RALGAPA1: variants seen among roughly 807,000 people sequenced by gnomAD.
The protein encoded by RALGAPA1 is ral GTPase-activating protein subunit alpha-1.
RALGAPA1 carries 52 observed loss-of-function variants against 269.6 expected under a neutral mutation model. The ratio of observed to expected loss-of-function variants is 0.19; its 90% CI spans 0.15 to 0.24. The LOEUF (loss-of-function observed/expected upper bound fraction) is 0.24, where lower values mean the gene tolerates loss of function less well. RALGAPA1 is among the 10% of genes least tolerant of loss of function. The pLI is 1.00. For missense variants in RALGAPA1, 1,917 were observed against 3,013.9 expected, an observed-to-expected ratio of 0.64 and a Z score of 8.52; for synonymous variants, 817 against 1,008.3, an observed-to-expected ratio of 0.81 and a Z score of 3.60.
chr14:35,758,438 G>A (rs546913087), intron 6 of RALGAPA1, among the ~76,000 whole-genome samples: 4 of 152,010 alleles, frequency 2.6e-5, no homozygotes, highest in East Asian at 1.9e-4. Context: ...AGTCTCTGCC[G>A]GGGAGTATAC....
chr14:35,586,450 C>G (rs2058294601), intron 37 of RALGAPA1, among the ~76,000 whole-genome samples: 1 of 152,164 alleles, frequency 6.6e-6, no homozygotes, highest in Non-Finnish European at 1.5e-5. Flanking sequence ...TTTCTTTCTC[C>G]TGCCTGATTG....
At chr14:35,683,038 C>T (rs565805324) in intron 21 of RALGAPA1, among the ~76,000 whole-genome samples, 1 of 152,250 alleles carries the variant, frequency 6.6e-6, no homozygotes, top group East Asian at 1.9e-4. Flanking sequence ...CAAGTTCCAG[C>T]CAACCACAAG....
At chr14:35,737,759 C>CAAAAAAAAAAAAAAAAAAAAAA (rs60152249) in intron 12 of RALGAPA1, among the ~76,000 whole-genome samples, 3 of 17,418 alleles carry the variant, frequency 1.7e-4, no homozygotes, top group African/African-American at 2.4e-4. Flanking sequence ...AAATCCATCT[C>CAAAAAAAAAAAAAAAAAAAAAA]AAAAAAAAAA....
intron 41 of RALGAPA1, among the ~76,000 whole-genome samples, chr14:35,542,863 CTA>C (rs2054134513): frequency 6.6e-6 from 1 of 152,112 alleles, no homozygotes; most frequent in South Asian, 2.1e-4. Flanking sequence ...TTACAATAAA[CTA>C]TTATTACAAT....
intron 13 of RALGAPA1, among the ~76,000 whole-genome samples, chr14:35,725,645 A>G (rs1046157991): frequency 6.6e-6 from 1 of 152,048 alleles, no homozygotes; most frequent in Non-Finnish European, 1.5e-5. Flanking sequence ...AAATTATATG[A>G]CATCTTAATT....
At chr14:35,697,044 ATT>A (rs2066957548) in intron 17 of RALGAPA1, among the ~76,000 whole-genome samples, 1 of 152,076 alleles carries the variant, frequency 6.6e-6, no homozygotes, top group Non-Finnish European at 1.5e-5. Flanking sequence ...ACAACTCTCT[ATT>A]CTTATAACTC....
chr14:35,663,435 A>G (rs77718917), intron 27 of RALGAPA1, among the ~76,000 whole-genome samples: 2 of 145,164 alleles, frequency 1.4e-5, no homozygotes. Flanking sequence ...AAACAAAAAC[A>G]AAAAAAAAAA....
Position 35,760,805 on chromosome 14 carries a change from C to T in RALGAPA1, c.547+24G>A, listed in dbSNP as rs201766324. The T allele has an allele frequency of 1.3e-3, 2,035 of 1,585,800 alleles. 11 individuals are homozygous for T. The highest frequency in any genetic ancestry group is 7.0e-3 in the Middle Eastern group (31 of 4,412). ...TACATAGAGAGCTTAAACCTACTGA[C>T]GGATAACATCCCATGAATCTTACTT... On this transcript the variant is annotated intron_variant, in intron 6 of 41. Transcript: ENST00000680220.
At chr14:35,625,754 A>G (rs2060954758) in intron 34 of RALGAPA1, among the ~76,000 whole-genome samples, 1 of 152,216 alleles carries the variant, frequency 6.6e-6, no homozygotes, top group African/African-American at 2.4e-5. Context: ...TCATAAAAAT[A>G]TGTGAGAAAG....
At position 35,654,361 on chromosome 14, in the gene RALGAPA1, A is replaced by C. The variant is rs769383350; in HGVS notation, c.5607+6T>G. The C allele has an allele frequency of 6.3e-7, 1 of 1,579,206 alleles. No homozygotes were observed. The highest frequency in any genetic ancestry group is 8.6e-7 in the Non-Finnish European group (1 of 1,169,310). ...GGTCATAATAAATAAATGAGAAATT[A>C]CTTACTTGAATAATTTTCAAGGGAG... On this transcript the variant is annotated splice_donor_region_variant and intron_variant, in intron 30 of 41. Coordinates refer to ENST00000680220, the MANE Select transcript of RALGAPA1 (RefSeq NM_001346249.2).
At chr14:35,805,746 G>C (rs1027093331) in intron 1 of RALGAPA1, among the ~76,000 whole-genome samples, 1 of 148,186 alleles carries the variant, frequency 6.7e-6, no homozygotes, top group Non-Finnish European at 1.5e-5. Context: ...GTGCAGTAGC[G>C]TGATCTCGAC....
intron 39 of RALGAPA1, among the ~76,000 whole-genome samples, chr14:35,568,833 A>G (rs986590594): frequency 2.0e-5 from 3 of 152,224 alleles, no homozygotes; most frequent in Non-Finnish European, 2.9e-5. Flanking sequence ...TGACTTAGAA[A>G]TAAACTCGCC....
chr14:35,786,664 G>C (rs1240471682), intron 1 of RALGAPA1, among the ~76,000 whole-genome samples: 3 of 151,934 alleles, frequency 2.0e-5, no homozygotes, highest in Non-Finnish European at 4.4e-5. Flanking sequence ...AATCCATAAA[G>C]TATCTCTCCA....
chr14:35,573,164 C>T (rs1213879519), intron 37 of RALGAPA1, among the ~76,000 whole-genome samples: 1 of 152,142 alleles, frequency 6.6e-6, no homozygotes, highest in African/African-American at 2.4e-5. Flanking sequence ...AAATAGATGT[C>T]TTGAGAATTG....
chr14:35,750,101 A>C (rs1223925810), intron 9 of RALGAPA1, among the ~76,000 whole-genome samples: 1 of 152,130 alleles, frequency 6.6e-6, no homozygotes, highest in African/African-American at 2.4e-5. Flanking sequence ...AGGGGGTGTG[A>C]ACAGGTCTTT....
At chr14:35,564,947 A>C (rs560051545) in intron 39 of RALGAPA1, among the ~76,000 whole-genome samples, 1 of 152,286 alleles carries the variant, frequency 6.6e-6, no homozygotes, top group Non-Finnish European at 1.5e-5. Context: ...CCCTACCAGG[A>C]CATTTTCATT....
intron 32 of RALGAPA1, 113 bp from the exon 33 acceptor site, chr14:35,634,870 T>A: frequency 9.2e-7 from 1 of 1,090,760 alleles, no homozygotes; most frequent in Non-Finnish European, 1.3e-6. Flanking sequence ...AGATTTTAAA[T>A]ATTTTAAAAC....
chr14:35,541,641 G>A (rs1594481249), intron 41 of RALGAPA1: 1 of 438,758 alleles, frequency 2.3e-6, no homozygotes, highest in East Asian at 7.0e-5. Context: ...CACTGCAGAT[G>A]GATGGCAGAA....
At chr14:35,554,378 A>G (rs527839464) in intron 39 of RALGAPA1, among the ~76,000 whole-genome samples, 14 of 109,478 alleles carry the variant, frequency 1.3e-4, no homozygotes, top group African/African-American at 4.9e-4. Flanking sequence ...ACGGAGTCTC[A>G]CTCTGTCGCC....
Sources: allele counts gnomAD v4.1 joint callset (sites outside exome capture counted in the v4.1 genomes callset), GRCh38; gene constraint gnomAD v4.1.1; transcripts MANE v1.5; gene names NCBI Gene and HGNC (gene_info 2026-07-23, HGNC 2026-07-21).